SLC6A20: variants seen among roughly 807,000 people sequenced by gnomAD.
SLC6A20 encodes solute carrier family 6 member 20.
Under a neutral mutation model 64.3 loss-of-function variants are expected in SLC6A20, and 73 were observed. The ratio of observed to expected loss-of-function variants is 1.14; its 90% CI spans 0.94 to 1.38. SLC6A20 has a LOEUF of 1.38. Ranked by LOEUF, SLC6A20 falls within the 40% of genes most tolerant of loss-of-function variation. SLC6A20 has a pLI of 0.00. For synonymous variants in SLC6A20, 347 were observed against 329.6 expected, an observed-to-expected ratio of 1.05 and a Z score of -0.57; for missense variants, 725 against 772.8, an observed-to-expected ratio of 0.94 and a Z score of 0.73.
chr3:45,773,712 G>A (rs1699916464), intron 4 of SLC6A20, among the ~76,000 whole-genome samples: 2 of 151,944 alleles, frequency 1.3e-5, no homozygotes, highest in African/African-American at 4.8e-5. Context: ...CCTTCCTATT[G>A]AGGTGTGGCA....
rs139609335 is a variant in SLC6A20 at position 45,771,372 on chromosome 3, G to A, written c.780C>T (p.Ile260=). The change falls in exon 6 of 11, where the codon ATC becomes ATT. Residue 260 remains isoleucine (I), a synonymous_variant. Coordinates refer to ENST00000358525, the MANE Select transcript of SLC6A20 (RefSeq NM_020208.4). ...FSLGLGFGSL[I]AFASYNEPSN... is the part of the protein sequence containing the mutation. The stretch of plus-strand genomic sequence containing the variant: ...ATGGCTCATTGTAGCTGGCGAAGGC[G>A]ATCAGGCTGCCGAAGCCCAGGCCAA... 30 of 1,614,124 alleles carry A rather than the reference G, an allele frequency of 1.9e-5. No homozygotes were observed. The highest frequency in any genetic ancestry group is 4.5e-5 in the East Asian group (2 of 44,894).
At chr3:45,771,708 T>G (rs1699871571) in intron 5 of SLC6A20, 1 of 600,730 alleles carries the variant, frequency 1.7e-6, no homozygotes, top group Non-Finnish European at 2.9e-6. Context: ...GTGGAGGACA[T>G]AAGGTGCTAC....
intron 5 of SLC6A20, chr3:45,772,117 T>C: frequency 4.9e-6 from 1 of 204,396 alleles, no homozygotes; most frequent in Non-Finnish European, 9.7e-6. Flanking sequence ...GGAAACTCTG[T>C]AGGGAAACGG....
intron 9 of SLC6A20, 112 bp downstream of exon 9, chr3:45,762,801 A>G: frequency 7.2e-7 from 1 of 1,396,666 alleles, no homozygotes; most frequent in East Asian, 2.3e-5. Context: ...TCATGATGCG[A>G]AGCTTAAAGA....
intron 1 of SLC6A20, among the ~76,000 whole-genome samples, chr3:45,794,239 A>G (rs1003668310): frequency 3.3e-5 from 5 of 152,168 alleles, no homozygotes; most frequent in Admixed American, 1.3e-4. Flanking sequence ...GGAGGTGCTC[A>G]TGGAAGTGTT....
In SLC6A20 at chr3:45,788,008, C is replaced by T. The variant is rs1022333280; in HGVS notation, c.122-5785G>A. Among the ~76,000 whole-genome samples, 4 of 152,082 alleles carry T rather than the reference C, an allele frequency of 2.6e-5. No homozygotes were observed. The East Asian group carries it at 5.8e-4, about 22-fold the overall frequency. On this transcript the variant is annotated intron_variant, in intron 1 of 10. Coordinates refer to ENST00000358525, the MANE Select transcript of SLC6A20 (RefSeq NM_020208.4). ...TTGCCCAGGCTGGAGTGCAGTGGTG[C>T]GATCACGGCTCACTGCAGCCTCGAC...
chr3:45,759,243 G>A (rs1486799761), intron 10 of SLC6A20, 116 bp from the exon 11 acceptor site: 1 of 1,139,934 alleles, frequency 8.8e-7, no homozygotes, highest in East Asian at 2.7e-5. Context: ...TGTGGGGCCG[G>A]TGTCCTCACT....
At chr3:45,791,304 T>C (rs1028215126) in intron 1 of SLC6A20, among the ~76,000 whole-genome samples, 1 of 152,212 alleles carries the variant, frequency 6.6e-6, no homozygotes, top group African/African-American at 2.4e-5. Flanking sequence ...GGTTGCACAG[T>C]AGAGCCCTCT....
intron 5 of SLC6A20, chr3:45,772,230 A>G (rs560804516): frequency 4.2e-5 from 16 of 380,198 alleles, no homozygotes; most frequent in African/African-American, 2.9e-4. Context: ...AGGCAGTGGC[A>G]GGGGTGCAGC....
intron 2 of SLC6A20, among the ~76,000 whole-genome samples, chr3:45,780,491 C>T (rs1340665444): frequency 1.3e-5 from 2 of 152,242 alleles, no homozygotes; most frequent in African/African-American, 2.4e-5. Flanking sequence ...GAACTGGGTT[C>T]ACAACCTCAT....
intron 2 of SLC6A20, among the ~76,000 whole-genome samples, chr3:45,780,639 G>A (rs62245066): frequency 0.13 from 19,836 of 152,136 alleles, 1,430 homozygotes; most frequent in Admixed American, 0.16. Context: ...GGGGCTGCCC[G>A]TAATTCGGTC....
chr3:45,787,000 C>T (rs555969977), intron 1 of SLC6A20, among the ~76,000 whole-genome samples: 15 of 152,346 alleles, frequency 9.8e-5, no homozygotes, highest in South Asian at 6.2e-4. Flanking sequence ...TCCACTGCAC[C>T]GCCCTCCAGG....
At chr3:45,762,075 G>GA (rs71619610) in intron 9 of SLC6A20, among the ~76,000 whole-genome samples, 1 of 152,174 alleles carries the variant, frequency 6.6e-6, no homozygotes, top group African/African-American at 2.4e-5. Flanking sequence ...GAGCAGCGCT[G>GA]CCCAAACTGT....
At chr3:45,775,726 C>G in intron 4 of SLC6A20, 35 bp downstream of exon 4, 1 of 1,588,288 alleles carries the variant, frequency 6.3e-7, no homozygotes, top group African/African-American at 1.3e-5. Flanking sequence ...TCCCACCCAC[C>G]AGGAGCACCG....
chr3:45,761,471 G>A (rs962009464), intron 9 of SLC6A20, among the ~76,000 whole-genome samples: 3 of 152,062 alleles, frequency 2.0e-5, no homozygotes, highest in African/African-American at 7.3e-5. Context: ...CCTCCAGCGG[G>A]CCCTAGGTTC....
At position 45,765,105 on chromosome 3, in the gene SLC6A20, C is replaced by T. The variant is rs898859000; in HGVS notation, c.1303+432G>A. Among the ~76,000 whole-genome samples, 20 of 151,916 alleles carry T rather than the reference C, an allele frequency of 1.3e-4. No individual in the cohort carries two copies. Among genetic ancestry groups the T allele is most frequent in the Non-Finnish European group, 2.6e-4 (18 of 67,982 alleles). ...GCGTGCACCTGTAATCCCAGCTACTCGGGAGGGTGAGGCAGGAGAATCACT... is the reference window on the plus strand; with the variant it reads ...GCGTGCACCTGTAATCCCAGCTACTTGGGAGGGTGAGGCAGGAGAATCACT... On this transcript the variant is annotated intron_variant, in intron 8 of 10. Coordinates refer to ENST00000358525, the MANE Select transcript of SLC6A20 (RefSeq NM_020208.4). The surrounding 1 kb of genome is among the most constrained non-coding windows in gnomAD (Gnocchi z 4.2).
At chr3:45,795,534 C>A (rs745638003) in intron 1 of SLC6A20, among the ~76,000 whole-genome samples, 16 of 152,016 alleles carry the variant, frequency 1.1e-4, no homozygotes, top group Non-Finnish European at 1.5e-4. Context: ...ACGAGACAAC[C>A]GAGAAAAAAA....
chr3:45,795,351 G>A (rs749966021), intron 1 of SLC6A20, among the ~76,000 whole-genome samples: 2 of 151,366 alleles, frequency 1.3e-5, no homozygotes, highest in South Asian at 2.1e-4. Flanking sequence ...TGAAAATGCC[G>A]CCTTAAAGGC....
In SLC6A20 at chr3:45,772,530, C is replaced by G; in HGVS notation, c.668G>C (p.Gly223Ala). Residue 223 changes from glycine to alanine, a missense_variant, in exon 5 of 11, where the codon GGC (glycine) becomes GCC (alanine). Coordinates refer to ENST00000358525, the MANE Select transcript of SLC6A20 (RefSeq NM_020208.4). Reference sequence around the variant, plus strand: ...CTTGGGAGTGAACATGTACATGAGGCCATTGGTGGCTCCGTGGAGCGTGAG... The same window carrying G: ...CTTGGGAGTGAACATGTACATGAGGGCATTGGTGGCTCCGTGGAGCGTGAG... ...RGLTLHGATNGLMYMFTPKIE... is the reference protein window; with the variant it reads ...RGLTLHGATNALMYMFTPKIE... The G allele has an allele frequency of 6.2e-7, 1 of 1,613,806 alleles. No individual in the cohort carries two copies. Among genetic ancestry groups the G allele is most frequent in the Non-Finnish European group, 8.5e-7 (1 of 1,179,856 alleles).
Sources: allele counts gnomAD v4.1 joint callset (sites outside exome capture counted in the v4.1 genomes callset), GRCh38; gene constraint gnomAD v4.1.1; non-coding constraint Gnocchi (gnomAD v3.1); transcripts MANE v1.5; gene names NCBI Gene and HGNC (gene_info 2026-07-23, HGNC 2026-07-21).